PHF7: variants seen among roughly 807,000 people sequenced by gnomAD.
PHF7 encodes PHD finger protein 7.
PHF7 carries 24 observed loss-of-function variants against 47.5 expected under a neutral mutation model. That is an observed-to-expected ratio of 0.51 (90% confidence interval 0.37 to 0.71). The LOEUF (loss-of-function observed/expected upper bound fraction) is 0.71, where lower values mean the gene tolerates loss of function less well. PHF7 is among the 30% of genes least tolerant of loss of function. The pLI is 0.00. For synonymous variants in PHF7, 156 were observed against 153.8 expected, an observed-to-expected ratio of 1.01 and a Z score of -0.11; for missense variants, 361 against 456.8, an observed-to-expected ratio of 0.79 and a Z score of 1.91.
chr3:52,419,875 G>C lies in PHF7; in HGVS notation c.229G>C (p.Gly77Arg), dbSNP rs999188722. 2 of 1,610,376 alleles carry C rather than the reference G, an allele frequency of 1.2e-6. No homozygotes were observed. The highest frequency in any genetic ancestry group is 3.3e-5 in the Admixed American group (2 of 59,734). ...KLPQRGQSNR[G>R]FHGFLPEDIK... is the part of the protein sequence containing the mutation. ...GCCTCAGAGGGGCCAGTCCAACAGA[G>C]GCTTCCATGGATTTCTGCCTGAAGA... is the stretch of plus-strand genomic sequence containing the variant. Residue 77 changes from glycine to arginine, a missense_variant, in exon 5 of 11, where the codon GGC (glycine) becomes CGC (arginine). Physicochemically the swap from Gly to Arg is moderately radical, Grantham distance 125 (BLOSUM62 -2). Transcript: ENST00000327906.
chr3:52,423,040 C>G, intron 10 of PHF7, 51 bp from the exon 11 acceptor site: 1 of 1,498,276 alleles, frequency 6.7e-7, no homozygotes, highest in Non-Finnish European at 9.3e-7. Context: ...AGGACCTGTG[C>G]CTGGGAGAAG....
intron 1 of PHF7, among the ~76,000 whole-genome samples, chr3:52,412,031 C>G (rs1463350493): frequency 6.6e-6 from 1 of 152,054 alleles, no homozygotes; most frequent in Non-Finnish European, 1.5e-5. Context: ...GTCTGGGCAA[C>G]ATGGCAAAAC....
At chr3:52,414,774 C>G (rs765704723) in intron 4 of PHF7, 187 bp downstream of exon 4, 27 of 272,168 alleles carry the variant, frequency 9.9e-5, no homozygotes, top group Non-Finnish European at 1.6e-4. Flanking sequence ...TCTGGGAGGC[C>G]GAGGCAGGAG....
chr3:52,422,231 C>A lies in PHF7; in HGVS notation c.690C>A (p.Ala230=). 6.2e-7 allele frequency: 1 copy of A among 1,609,174 alleles called. No homozygotes were observed. Among genetic ancestry groups the A allele is most frequent in the South Asian group, 1.1e-5 (1 of 90,976 alleles). ...TCTTCTCCCACTGCAGAGATGCTGC[C>A]TGGGAACTCGAGCCAGGGGCTTTCT... ...MGIHIPDRDA[A]WELEPGAFSD... Residue 230 remains alanine (A), a synonymous_variant, in exon 9 of 11, where the codon GCC becomes GCA. Coordinates refer to ENST00000327906, the MANE Select transcript of PHF7 (RefSeq NM_016483.7).
chr3:52,422,166 A>G (rs1479868239), intron 8 of PHF7, 56 bp from the exon 9 acceptor site: 5 of 1,218,298 alleles, frequency 4.1e-6, no homozygotes, highest in Non-Finnish European at 4.9e-6. Flanking sequence ...TCCCTGATGG[A>G]CAAAAGTTTC....
At chr3:52,414,465 T>G in intron 3 of PHF7, 31 bp from the exon 4 acceptor site, 2 of 1,314,104 alleles carry the variant, frequency 1.5e-6, no homozygotes, top group Non-Finnish European at 2.2e-6. Context: ...ATGGTCAATT[T>G]GAGCCAAATT....
At chr3:52,421,561 C>A in intron 7 of PHF7, 87 bp from the exon 8 acceptor site, 1 of 810,346 alleles carries the variant, frequency 1.2e-6, no homozygotes, top group Non-Finnish European at 2.2e-6. Flanking sequence ...TTAGCAACAT[C>A]CTCTTTGTAG....
Position 52,423,279 on chromosome 3 carries a change from G to T in PHF7, c.1108G>T (p.Gly370Cys), listed in dbSNP as rs1329749304. Residue 370 changes from glycine to cysteine, a missense_variant, in exon 11 of 11, where the codon GGT becomes TGT. Physicochemically the swap from Gly to Cys is radical, Grantham distance 159. Transcript: ENST00000327906. ...GAGGAGCTACTCCTGGAGGTCCAAGGGTGTCAGAATCACTAACAGCTGCAA... is the reference window on the plus strand; with the variant it reads ...GAGGAGCTACTCCTGGAGGTCCAAGTGTGTCAGAATCACTAACAGCTGCAA... Reference protein sequence around the residue: ...GRRSYSWRSKGVRITNSCKKS... With the variant: ...GRRSYSWRSKCVRITNSCKKS... The T allele has an allele frequency of 1.2e-6, 2 of 1,613,930 alleles. No homozygotes were observed. Among genetic ancestry groups the T allele is most frequent in the South Asian group, 1.1e-5 (1 of 91,058 alleles).
chr3:52,423,169 A>T lies in PHF7; in HGVS notation c.998A>T (p.Asn333Ile). The T allele has an allele frequency of 6.2e-7, 1 of 1,614,010 alleles. No homozygotes were observed. Among genetic ancestry groups the T allele is most frequent in the East Asian group, 2.2e-5 (1 of 44,882 alleles). Residue 333 changes from asparagine to isoleucine, a missense_variant, in exon 11 of 11, where the codon AAC (asparagine) becomes ATC (isoleucine). By Grantham distance (149) the Asn-to-Ile change is moderately radical. Transcript: ENST00000327906. ...FHPEEHFCRD[N>I]TLEENPGLSW... ...CCTGAGGAACATTTCTGCAGAGACA[A>T]CACCTTGGAAGAGAATCCGGGCCTT... is the stretch of plus-strand genomic sequence containing the variant.
At chr3:52,412,729 G>C in intron 1 of PHF7, 82 bp from the exon 2 acceptor site, 1 of 655,880 alleles carries the variant, frequency 1.5e-6, no homozygotes, top group Non-Finnish European at 2.7e-6. Flanking sequence ...GGGAGGTGAA[G>C]TGCACCATTG....
In PHF7 at chr3:52,413,975, C is replaced by T. The variant is rs761069427; in HGVS notation, c.42-21C>T. ...CAAGATCCCCAAAGAACACCTTGTG[C>T]TTCTTATTTCTCTTGTATAGAAAAT... On this transcript the variant is annotated intron_variant, in intron 2 of 10. Transcript: ENST00000327906. 4.5e-6 allele frequency: 7 copies of T among 1,556,962 alleles called. No individual in the cohort carries two copies. In the Admixed American group the frequency reaches 5.0e-5, roughly 11 times the overall value.
rs1016551584 is a variant in PHF7 at position 52,420,305 on chromosome 3, T to A, written c.289-6T>A. The A allele has an allele frequency of 6.2e-7, 1 of 1,613,962 alleles. No individual in the cohort carries two copies. Among genetic ancestry groups the A allele is most frequent in the Non-Finnish European group, 8.5e-7 (1 of 1,179,820 alleles). On this transcript the variant is annotated splice_region_variant and splice_polypyrimidine_tract_variant and intron_variant, in intron 5 of 10. Transcript: ENST00000327906. ...TCCTGAGCACTGTCTGGGAACTCAT[T>A]TGCAGATCTGCTTTGTGTGCAAGAA...
At chr3:52,414,624 G>T in intron 4 of PHF7, 37 bp downstream of exon 4, 1 of 1,213,704 alleles carries the variant, frequency 8.2e-7, no homozygotes, top group Admixed American at 1.8e-5. Context: ...AATATCCTAT[G>T]GCTTTTGGTG....
chr3:52,414,266 C>CA (rs3832250), intron 3 of PHF7, among the ~76,000 whole-genome samples: 5 of 149,798 alleles, frequency 3.3e-5, no homozygotes, highest in African/African-American at 4.9e-5. Context: ...AAAACAAAAC[C>CA]AAAAAAAAAT....
Position 52,423,568 on chromosome 3 carries a change from C to G in PHF7, c.*251C>G, listed in dbSNP as rs1415067734. The G allele has an allele frequency of 2.7e-5, 11 of 401,496 alleles. No homozygotes were observed. 24.9% of individuals were successfully genotyped at this position (401,496 alleles called of 1,614,324 possible). A position where few individuals can be genotyped will look rare whatever the true frequency, so the allele number is the denominator to read the frequency against. ...CTCCTCCCACCAAGGATTCTTCCACCTTAATCTTGTTTTCATATGCCTCTT... is the reference window on the plus strand; with the variant it reads ...CTCCTCCCACCAAGGATTCTTCCACGTTAATCTTGTTTTCATATGCCTCTT... On this transcript the variant is annotated 3_prime_UTR_variant, in exon 11 of 11. Coordinates refer to ENST00000327906, the MANE Select transcript of PHF7 (RefSeq NM_016483.7).
rs1354336178 is a variant in PHF7 at position 52,414,643 on chromosome 3, G to C, written c.186+56G>C. 9.3e-6 allele frequency: 9 copies of C among 971,304 alleles called. No individual in the cohort carries two copies. The East Asian group carries it at 2.0e-4, about 22-fold the overall frequency. The allele number at this position is 971,304 out of a possible 1,614,324, so 60.2% of individuals were successfully genotyped here. ...TCCTATGGCTTTTGGTGTACTGACT[G>C]TTCTCTGTTACATTCATCCTCATAT... is the stretch of plus-strand genomic sequence containing the variant. On this transcript the variant is annotated intron_variant, in intron 4 of 10. Transcript: ENST00000327906.
At chr3:52,422,424 T>G in intron 9 of PHF7, 86 bp downstream of exon 9, 1 of 906,854 alleles carries the variant, frequency 1.1e-6, no homozygotes, top group Non-Finnish European at 1.9e-6. Flanking sequence ...AGTAAGAAAT[T>G]CACTCTTGTA....
intron 2 of PHF7, among the ~76,000 whole-genome samples, chr3:52,413,402 G>A (rs1305893959): frequency 1.3e-5 from 2 of 152,190 alleles, no homozygotes; most frequent in Non-Finnish European, 2.9e-5. Context: ...GGCAGAAGAA[G>A]CAGTAAAAAA....
At position 52,410,810 on chromosome 3, in the gene PHF7, G is replaced by C. The variant is rs1270098770; in HGVS notation, c.-507G>C. ...AGCGGCGGCCGGTGAGCTACCGCGA[G>C]GAGGAGCGGCGGAGGCGACCTCGGC... On this transcript the variant is annotated 5_prime_UTR_variant, in exon 1 of 11. Coordinates refer to ENST00000327906, the MANE Select transcript of PHF7 (RefSeq NM_016483.7). 2 of 152,800 alleles carry C rather than the reference G, an allele frequency of 1.3e-5. No homozygotes were observed. The highest frequency in any genetic ancestry group is 2.9e-5 in the Non-Finnish European group (2 of 68,478). The allele number at this position is 152,800 out of a possible 1,614,324, so 9.5% of individuals were successfully genotyped here.
Sources: allele counts gnomAD v4.1 joint callset (sites outside exome capture counted in the v4.1 genomes callset), GRCh38; gene constraint gnomAD v4.1.1; transcripts MANE v1.5; gene names NCBI Gene and HGNC (gene_info 2026-07-23, HGNC 2026-07-21).